The following LRRIQ3 variants were observed in gnomAD, a reference collection of about 807,000 sequenced individuals.
The protein encoded by LRRIQ3 is leucine-rich repeat and IQ domain-containing protein 3.
In LRRIQ3, 75 loss-of-function variants were observed where a neutral mutation model predicts 59.3. The observed-to-expected ratio is 1.26, with a 90% CI of 1.05 to 1.53. The LOEUF (loss-of-function observed/expected upper bound fraction) is 1.53, where lower values mean the gene tolerates loss of function less well. Ranked by LOEUF, LRRIQ3 falls within the 40% of genes most tolerant of loss-of-function variation. The pLI, the probability that LRRIQ3 is intolerant of heterozygous loss-of-function variation, is 0.00. For missense variants in LRRIQ3, 831 were observed against 710.0 expected, an observed-to-expected ratio of 1.17 and a Z score of -1.94; for synonymous variants, 250 against 231.3, an observed-to-expected ratio of 1.08 and a Z score of -0.73.
intron 5 of LRRIQ3, 91 bp downstream of exon 5, chr1:74,109,303 T>G (rs1465646106): frequency 1.1e-6 from 1 of 924,098 alleles, no homozygotes; most frequent in Admixed American, 2.5e-5. Context: ...GGACATTTAA[T>G]AGAGACTGAA....
intron 1 of LRRIQ3, among the ~76,000 whole-genome samples, chr1:74,196,522 T>C (rs1651143904): frequency 6.6e-6 from 1 of 152,092 alleles, no homozygotes; most frequent in Non-Finnish European, 1.5e-5. Flanking sequence ...ACACACAAAC[T>C]TCCATTACAT....
At chr1:74,096,748 G>A (rs1646454357) in intron 5 of LRRIQ3, among the ~76,000 whole-genome samples, 1 of 152,102 alleles carries the variant, frequency 6.6e-6, no homozygotes, top group Non-Finnish European at 1.5e-5. Flanking sequence ...CTTTCAGTTT[G>A]TTAGCTTTCC....
chr1:74,028,776 A>C (rs1481704186), intron 7 of LRRIQ3, among the ~76,000 whole-genome samples: 1 of 151,988 alleles, frequency 6.6e-6, no homozygotes, highest in East Asian at 1.9e-4. Flanking sequence ...TAAATAAACT[A>C]ACACATTTAA....
At chr1:74,096,382 A>C (rs776990561) in intron 5 of LRRIQ3, among the ~76,000 whole-genome samples, 2 of 152,192 alleles carry the variant, frequency 1.3e-5, no homozygotes, top group Non-Finnish European at 2.9e-5. Flanking sequence ...AACCACTATT[A>C]TACAGAATAA....
At chr1:74,155,345 G>A (rs1355001937) in intron 4 of LRRIQ3, among the ~76,000 whole-genome samples, 3 of 152,166 alleles carry the variant, frequency 2.0e-5, no homozygotes, top group African/African-American at 4.8e-5. Context: ...AACAAGAAAA[G>A]AGGAAAAGAC....
At chr1:74,054,752 A>ATATC (rs1175155914) in intron 6 of LRRIQ3, among the ~76,000 whole-genome samples, 1 of 145,800 alleles carries the variant, frequency 6.9e-6, no homozygotes, top group Non-Finnish European at 1.5e-5. Context: ...ATATATATAT[A>ATATC]TATATCTATA....
At chr1:74,181,080 A>C (rs1649949287) in intron 3 of LRRIQ3, 1 of 370,486 alleles carries the variant, frequency 2.7e-6, no homozygotes, top group African/African-American at 2.1e-5. Flanking sequence ...CTTTTCATAT[A>C]TTAGGTACTC....
chr1:74,173,388 C>T (rs1448796173), intron 3 of LRRIQ3, among the ~76,000 whole-genome samples: 3 of 151,024 alleles, frequency 2.0e-5, no homozygotes, highest in Non-Finnish European at 2.9e-5. Context: ...AATAGTAAGG[C>T]TAATGATTAC....
chr1:74,089,520 G>C (rs910010294), intron 5 of LRRIQ3, among the ~76,000 whole-genome samples: 5 of 151,918 alleles, frequency 3.3e-5, no homozygotes, highest in Admixed American at 2.6e-4. Flanking sequence ...ATGAGATTTG[G>C]GCAGTGAAAA....
At chr1:74,197,095 T>C (rs944771901) in intron 1 of LRRIQ3, among the ~76,000 whole-genome samples, 6 of 152,218 alleles carry the variant, frequency 3.9e-5, no homozygotes, top group African/African-American at 1.4e-4. Flanking sequence ...TTTTTTTAAT[T>C]AATGAAGTTT....
intron 3 of LRRIQ3, among the ~76,000 whole-genome samples, chr1:74,171,191 T>C (rs1649301254): frequency 6.6e-6 from 1 of 152,164 alleles, no homozygotes; most frequent in African/African-American, 2.4e-5. Context: ...CAATACTATG[T>C]TGAATAGAGG....
chr1:74,135,786 A>G (rs1232240550), intron 4 of LRRIQ3, among the ~76,000 whole-genome samples: 1 of 151,942 alleles, frequency 6.6e-6, no homozygotes, highest in African/African-American at 2.4e-5. Context: ...AGAAAATAAG[A>G]AATGTCTCAA....
intron 3 of LRRIQ3, chr1:74,182,289 C>G (rs1650028342): frequency 4.6e-6 from 1 of 218,848 alleles, no homozygotes; most frequent in African/African-American, 2.3e-5. Flanking sequence ...GATTTACTTT[C>G]AATTTAAAAA....
chr1:74,050,212 A>G lies in LRRIQ3; in HGVS notation c.998-8279T>C, dbSNP rs937885361. On this transcript the variant is annotated intron_variant, in intron 6 of 7. Transcript: ENST00000354431. ...GCTGGGACTACAGGAGTGAGCCACC[A>G]CACCCACCTTGCATACTTTTTAAAT... 9.2e-5 allele frequency among the ~76,000 whole-genome samples: 14 copies of G among 151,962 alleles called. 1 individual carries two copies. Among genetic ancestry groups the G allele is most frequent in the East Asian group, 7.7e-4 (4 of 5,176 alleles).
chr1:74,107,431 T>C (rs1308663113), intron 5 of LRRIQ3, among the ~76,000 whole-genome samples: 5 of 151,884 alleles, frequency 3.3e-5, no homozygotes, highest in African/African-American at 9.7e-5. Context: ...ATTATCACTA[T>C]AGTTTCTTAC....
At chr1:74,197,241 G>A (rs1263282068) in intron 1 of LRRIQ3, among the ~76,000 whole-genome samples, 1 of 152,156 alleles carries the variant, frequency 6.6e-6, no homozygotes, top group Admixed American at 6.5e-5. Flanking sequence ...TGCCCTGAAT[G>A]TCTACGTACC....
intron 4 of LRRIQ3, among the ~76,000 whole-genome samples, chr1:74,111,857 A>T (rs1402767805): frequency 6.6e-6 from 1 of 152,020 alleles, no homozygotes; most frequent in African/African-American, 2.4e-5. Flanking sequence ...GTTGAGGGCT[A>T]TGGTATTTTC....
intron 6 of LRRIQ3, among the ~76,000 whole-genome samples, chr1:74,069,688 A>C (rs955920078): frequency 5.3e-5 from 8 of 152,048 alleles, no homozygotes; most frequent in African/African-American, 1.9e-4. Flanking sequence ...AATATAAATG[A>C]GACAACATAA....
intron 4 of LRRIQ3, among the ~76,000 whole-genome samples, chr1:74,140,804 A>AT (rs1186775239): frequency 4.0e-5 from 6 of 151,836 alleles, no homozygotes; most frequent in African/African-American, 1.4e-4. Flanking sequence ...CCCTACCTCA[A>AT]TAACTTTACA....
Sources: allele counts gnomAD v4.1 joint callset (sites outside exome capture counted in the v4.1 genomes callset), GRCh38; gene constraint gnomAD v4.1.1; transcripts MANE v1.5; gene names NCBI Gene and HGNC (gene_info 2026-07-23, HGNC 2026-07-21).